The following EIF4G3 variants were observed in gnomAD, a reference collection of about 807,000 sequenced individuals.
EIF4G3 encodes the protein eukaryotic translation initiation factor 4 gamma 3, also known as eIF-4-gamma 3.
Under a neutral mutation model 186.4 loss-of-function variants are expected in EIF4G3, and 34 were observed. The observed-to-expected ratio is 0.18, with a 90% CI of 0.14 to 0.24. EIF4G3 has a LOEUF of 0.24. EIF4G3 is among the 10% of genes least tolerant of loss of function. EIF4G3 has a pLI of 1.00. For missense variants in EIF4G3, 1,536 were observed against 1,948.5 expected (o/e 0.79, Z 3.99); for synonymous variants, 673 against 679.5 (o/e 0.99, Z 0.15).
At chr1:20,991,569 T>TA (rs11393266) in intron 7 of EIF4G3, among the ~76,000 whole-genome samples, 54,511 of 142,390 alleles carry the variant, frequency 0.38, 10,483 homozygotes, top group Non-Finnish European at 0.44. Context: ...CTCTGTCTCA[T>TA]AAAAAAAAAA....
At chr1:20,920,815 A>G (rs1572857089) in intron 14 of EIF4G3, among the ~76,000 whole-genome samples, 1 of 152,130 alleles carries the variant, frequency 6.6e-6, no homozygotes, top group East Asian at 1.9e-4. Context: ...GTCACTCTCT[A>G]GAAATACTGT....
chr1:20,822,117 C>G (rs1048779919), intron 33 of EIF4G3, among the ~76,000 whole-genome samples: 1 of 152,058 alleles, frequency 6.6e-6, no homozygotes, highest in Non-Finnish European at 1.5e-5. Flanking sequence ...ACCTCGTGAT[C>G]CGCCCGCCTC....
chr1:20,812,643 T>C (rs2059482000), intron 35 of EIF4G3, among the ~76,000 whole-genome samples: 1 of 152,226 alleles, frequency 6.6e-6, no homozygotes, highest in African/African-American at 2.4e-5. Flanking sequence ...GGATTTCTAC[T>C]GACCCTAATC....
At chr1:21,100,720 CA>C (rs1477592627) in intron 2 of EIF4G3, among the ~76,000 whole-genome samples, 1 of 149,830 alleles carries the variant, frequency 6.7e-6, no homozygotes, top group Non-Finnish European at 1.5e-5. Context: ...CCATCTCTTA[CA>C]AAAAAAAAGA....
intron 4 of EIF4G3, among the ~76,000 whole-genome samples, chr1:21,009,051 A>G (rs2086171640): frequency 6.6e-6 from 1 of 152,248 alleles, no homozygotes; most frequent in African/African-American, 2.4e-5. Context: ...AAATCTGAAT[A>G]AGACTACATA....
intron 14 of EIF4G3, among the ~76,000 whole-genome samples, chr1:20,939,854 T>G (rs989498123): frequency 6.7e-5 from 9 of 134,306 alleles, no homozygotes; most frequent in East Asian, 4.0e-4. Flanking sequence ...TTAGTTTTTT[T>G]TTTTTTTTTT....
At chr1:20,809,194 A>G (rs1210797341) in intron 36 of EIF4G3, among the ~76,000 whole-genome samples, 1 of 152,114 alleles carries the variant, frequency 6.6e-6, no homozygotes, top group East Asian at 1.9e-4. Flanking sequence ...GCTGGTCTCA[A>G]ACTCCTGACC....
chr1:21,154,647 C>T (rs754220105), intron 2 of EIF4G3, among the ~76,000 whole-genome samples: 1 of 152,156 alleles, frequency 6.6e-6, no homozygotes, highest in Non-Finnish European at 1.5e-5. Context: ...GAGCATTATA[C>T]CCTGAACACA....
intron 7 of EIF4G3, among the ~76,000 whole-genome samples, chr1:20,983,601 C>T (rs546946890): frequency 6.6e-5 from 10 of 152,254 alleles, no homozygotes; most frequent in Admixed American, 3.3e-4. Context: ...AAGAATGATA[C>T]AAGCCTCAAG....
chr1:21,159,877 G>A (rs183383838), intron 2 of EIF4G3, among the ~76,000 whole-genome samples: 19 of 152,050 alleles, frequency 1.2e-4, no homozygotes, highest in Admixed American at 2.0e-4. Flanking sequence ...GAGGCCAAGC[G>A]GGTGGATCAT....
At chr1:21,029,175 AC>A (rs962247467) in intron 4 of EIF4G3, among the ~76,000 whole-genome samples, 1 of 151,622 alleles carries the variant, frequency 6.6e-6, no homozygotes, top group African/African-American at 2.4e-5. Context: ...ACACAACCAC[AC>A]CCAGCTAATG....
chr1:20,991,650 T>TAG (rs1558602474), intron 7 of EIF4G3, among the ~76,000 whole-genome samples: 6 of 152,108 alleles, frequency 3.9e-5, no homozygotes, highest in African/African-American at 1.4e-4. Context: ...ATATAGCTAG[T>TAG]AGAGCTACAG....
chr1:20,902,002 T>G (rs760076270), intron 15 of EIF4G3, among the ~76,000 whole-genome samples: 6 of 152,180 alleles, frequency 3.9e-5, no homozygotes, highest in Admixed American at 6.5e-5. Flanking sequence ...AAACTTATTT[T>G]AAGATACTTT....
chr1:21,022,885 C>G (rs2091081333), intron 4 of EIF4G3, among the ~76,000 whole-genome samples: 1 of 152,148 alleles, frequency 6.6e-6, no homozygotes, highest in Non-Finnish European at 1.5e-5. Flanking sequence ...TAAAGCTTCC[C>G]TGAATTACAT....
At chr1:20,879,608 TAA>T (rs1474929907) in intron 19 of EIF4G3, 88 bp from the exon 20 acceptor site, 1 of 748,234 alleles carries the variant, frequency 1.3e-6, no homozygotes, top group Non-Finnish European at 1.9e-6. Context: ...AAATAATATA[TAA>T]GTTCAACTTC....
rs774750619 is a variant in EIF4G3, at chr1:20,853,667, C to T, written c.3444G>A (p.Arg1148=). The T allele has an allele frequency of 6.2e-7, 1 of 1,609,140 alleles. No individual in the cohort carries two copies. Among genetic ancestry groups the T allele is most frequent in the Non-Finnish European group, 8.5e-7 (1 of 1,177,276 alleles). The change falls in exon 27 of 37, where the codon CGG becomes CGA. Residue 1148 remains arginine, a synonymous_variant. Transcript: ENST00000602326. ...ATCTGTTTAAACTGGAAGCACTTGA[C>T]CGTAAGGCATCTACACATGTCGAGG... is the stretch of plus-strand genomic sequence containing the variant. ...GAKASETDAL[R]SSASSLNRFS...
chr1:21,018,923 CT>C (rs138213734), intron 4 of EIF4G3, among the ~76,000 whole-genome samples: 43,499 of 146,672 alleles, frequency 0.3, 7,788 homozygotes, highest in Non-Finnish European at 0.41. Flanking sequence ...TAATAAAGCT[CT>C]TTTTTTTTTT....
intron 15 of EIF4G3, among the ~76,000 whole-genome samples, chr1:20,900,537 A>G (rs1558144796): frequency 2.0e-5 from 3 of 148,814 alleles, no homozygotes; most frequent in Middle Eastern, 3.4e-3. Flanking sequence ...AGAGAGAGAG[A>G]AAAAAAAAAG....
At position 20,853,861 on chromosome 1, in the gene EIF4G3, A is replaced by G. The variant is rs35443362; in HGVS notation, c.3434-184T>C. On this transcript the variant is annotated intron_variant, in intron 26 of 36. Transcript: ENST00000602326. ...GTGTTAGAGGGAATTTGCACATAAT[A>G]GAGTTTAGAAGTCTTTATTTATTTC... Among the ~76,000 whole-genome samples the G allele has an allele frequency of 7.5e-3, 1,142 of 152,280 alleles. 5 individuals are homozygous for G. Among genetic ancestry groups the G allele is most frequent in the Middle Eastern group, 0.041 (12 of 294 alleles).
Sources: gnomAD v4.1 joint callset for allele counts (sites outside exome capture counted in the v4.1 genomes callset) on GRCh38, gnomAD v4.1.1 for gene constraint, MANE v1.5 for transcripts, NCBI Gene and HGNC (gene_info 2026-07-23, HGNC 2026-07-21) for gene names.